TMEM132D: variants seen among roughly 807,000 people sequenced by gnomAD.
TMEM132D encodes the protein transmembrane protein 132D.
TMEM132D carries 21 observed loss-of-function variants against 62.3 expected under a neutral mutation model. The observed-to-expected ratio is 0.34, with a 90% CI of 0.24 to 0.49. The LOEUF is 0.49. Among genes scored for constraint, TMEM132D ranks in the 20% least tolerant of loss-of-function variants. The pLI is 0.99. For synonymous variants in TMEM132D, 621 were observed against 575.6 expected (o/e 1.08, Z -1.13); for missense variants, 1,346 against 1,402.8 (o/e 0.96, Z 0.65).
At chr12:129,861,654 G>C in intron 1 of TMEM132D, among the ~76,000 whole-genome samples, 1 of 151,856 alleles carries the variant, frequency 6.6e-6, no homozygotes, top group South Asian at 2.1e-4. Context: ...CCAGCTACTA[G>C]GGAGGCTGAG....
At chr12:129,644,161 C>T (rs990549775) in intron 2 of TMEM132D, among the ~76,000 whole-genome samples, 1 of 152,248 alleles carries the variant, frequency 6.6e-6, no homozygotes, top group Middle Eastern at 3.4e-3. Context: ...ATTAATGTCT[C>T]ATGTCTCCTT....
At position 129,371,669 on chromosome 12, in the gene TMEM132D, G is replaced by GGAT. The variant is rs1178602368; in HGVS notation, c.1116-33855_1116-33853dup. ...GTGATGGTGATGGTTATGATGGTGT[G>GGAT]GATGATGATGATGGTGACAATGATG... On this transcript the variant is annotated intron_variant, in intron 3 of 8. Coordinates refer to ENST00000422113, the MANE Select transcript of TMEM132D (RefSeq NM_133448.3). This position sits in a 1 kb window ranked among gnomAD's most constrained non-coding sequence, Gnocchi z 4.3. Among the ~76,000 whole-genome samples the GGAT allele has an allele frequency of 6.6e-6, 1 of 151,194 alleles. No individual in the cohort carries two copies. The highest frequency in any genetic ancestry group is 1.5e-5 in the Non-Finnish European group (1 of 67,766).
At chr12:129,795,569 T>C (rs1871538632) in intron 1 of TMEM132D, among the ~76,000 whole-genome samples, 1 of 152,220 alleles carries the variant, frequency 6.6e-6, no homozygotes, top group Admixed American at 6.5e-5. Context: ...ATGCATTCTG[T>C]TGTCACTTAT....
intron 3 of TMEM132D, among the ~76,000 whole-genome samples, chr12:129,405,523 G>A (rs371956088): frequency 1.4e-4 from 22 of 152,280 alleles, no homozygotes; most frequent in South Asian, 1.0e-3. Flanking sequence ...GTGGGTCCCC[G>A]ACAGAGGCAT....
intron 5 of TMEM132D, among the ~76,000 whole-genome samples, chr12:129,102,307 T>C (rs1310460908): frequency 1.3e-5 from 2 of 152,074 alleles, no homozygotes; most frequent in South Asian, 2.1e-4. Context: ...CACATACACA[T>C]GCACACACGT....
At chr12:129,542,430 T>G (rs1876608247) in intron 2 of TMEM132D, among the ~76,000 whole-genome samples, 1 of 151,936 alleles carries the variant, frequency 6.6e-6, no homozygotes, top group African/African-American at 2.4e-5. Context: ...AAACGTAAAT[T>G]CTCAGGGATG....
In TMEM132D at chr12:129,277,876, G is replaced by A. The variant is rs1371427992; in HGVS notation, c.1299+59758C>T. ...TTAAGAACTCCCTGGTTCATCTCAC[G>A]GCGTCTTTTAAAACTCCACTCTCTA... On this transcript the variant is annotated intron_variant, in intron 4 of 8. Transcript: ENST00000422113. The surrounding 1 kb of genome is among the most constrained non-coding windows in gnomAD (Gnocchi z 4.2). 2.0e-5 allele frequency among the ~76,000 whole-genome samples: 3 copies of A among 152,036 alleles called. No homozygotes were observed. The highest frequency in any genetic ancestry group is 4.8e-5 in the African/African-American group (2 of 41,372).
At chr12:129,188,447 C>G (rs1878279894) in intron 5 of TMEM132D, among the ~76,000 whole-genome samples, 1 of 152,174 alleles carries the variant, frequency 6.6e-6, no homozygotes, top group African/African-American at 2.4e-5. Flanking sequence ...CTCTTTCAAG[C>G]CATCAGAGGT....
At chr12:129,237,917 T>G (rs774447196) in intron 4 of TMEM132D, among the ~76,000 whole-genome samples, 115 of 152,306 alleles carry the variant, frequency 7.6e-4, no homozygotes, top group Non-Finnish European at 1.4e-3. Flanking sequence ...CCCAAAAATG[T>G]GCATCCTGAT....
intron 1 of TMEM132D, among the ~76,000 whole-genome samples, chr12:129,782,696 T>G (rs1869827561): frequency 6.6e-6 from 1 of 151,262 alleles, no homozygotes; most frequent in East Asian, 2.0e-4. Context: ...TTCTGATAAA[T>G]CCAGGTAAGT....
At chr12:129,243,521 A>C (rs977720900) in intron 4 of TMEM132D, among the ~76,000 whole-genome samples, 2 of 152,292 alleles carry the variant, frequency 1.3e-5, no homozygotes, top group Admixed American at 1.3e-4. Context: ...TTCTTTACAC[A>C]TGCATGCAGC....
chr12:129,746,362 G>A (rs1593145014), intron 1 of TMEM132D, among the ~76,000 whole-genome samples: 1 of 152,266 alleles, frequency 6.6e-6, no homozygotes, highest in South Asian at 2.1e-4. Context: ...GCTGTGAGAG[G>A]AACGGCTTGT....
chr12:129,615,211 G>A (rs1878881449), intron 2 of TMEM132D, among the ~76,000 whole-genome samples: 1 of 152,142 alleles, frequency 6.6e-6, no homozygotes, highest in South Asian at 2.1e-4. Flanking sequence ...CTCTAGAACA[G>A]GGAAATGTGG....
intron 2 of TMEM132D, among the ~76,000 whole-genome samples, chr12:129,626,892 C>T (rs926872307): frequency 6.6e-6 from 1 of 152,164 alleles, no homozygotes; most frequent in African/African-American, 2.4e-5. Flanking sequence ...GCCCCAAAGT[C>T]CATCGACTTG....
intron 3 of TMEM132D, among the ~76,000 whole-genome samples, chr12:129,464,236 C>T (rs1873800976): frequency 6.6e-6 from 1 of 152,134 alleles, no homozygotes; most frequent in Non-Finnish European, 1.5e-5. Flanking sequence ...TGATGATGAG[C>T]ATTTTTTCAT....
chr12:129,695,034 TA>T (rs1881169241), intron 2 of TMEM132D, among the ~76,000 whole-genome samples: 1 of 152,046 alleles, frequency 6.6e-6, no homozygotes, highest in African/African-American at 2.4e-5. Flanking sequence ...AATAAATAAA[TA>T]ATGTGTTCTG....
At chr12:129,227,735 C>T (rs1049600885) in intron 4 of TMEM132D, among the ~76,000 whole-genome samples, 1 of 152,030 alleles carries the variant, frequency 6.6e-6, no homozygotes, top group Non-Finnish European at 1.5e-5. Context: ...TCTCCTAATG[C>T]TATCCCTCCC....
chr12:129,431,706 C>A (rs1011291182), intron 3 of TMEM132D, among the ~76,000 whole-genome samples: 1 of 152,206 alleles, frequency 6.6e-6, no homozygotes, highest in Admixed American at 6.5e-5. Flanking sequence ...CACTCTCCTG[C>A]TGGAAACCTC....
intron 3 of TMEM132D, among the ~76,000 whole-genome samples, chr12:129,366,343 C>A (rs1208893483): frequency 6.6e-6 from 1 of 152,156 alleles, no homozygotes; most frequent in African/African-American, 2.4e-5. Flanking sequence ...ACTGTCCTTG[C>A]AAATATGAGT....
Sources: allele counts gnomAD v4.1 joint callset (sites outside exome capture counted in the v4.1 genomes callset), GRCh38; gene constraint gnomAD v4.1.1; non-coding constraint Gnocchi (gnomAD v3.1); transcripts MANE v1.5; gene names NCBI Gene and HGNC (gene_info 2026-07-23, HGNC 2026-07-21).